Variants in ILDR1 observed in about 807,000 individuals in gnomAD.
ILDR1 encodes the protein immunoglobulin like domain containing receptor 1.
A neutral mutation model predicts 62.4 loss-of-function variants in ILDR1; 56 were observed. The ratio of observed to expected loss-of-function variants is 0.90; its 90% CI spans 0.72 to 1.12. The LOEUF (loss-of-function observed/expected upper bound fraction) is 1.12. ILDR1 is among the 50% of genes most tolerant of loss of function. ILDR1 has a pLI of 0.00. For synonymous variants in ILDR1, 284 were observed against 277.8 expected (o/e 1.02, Z -0.22); for missense variants, 736 against 710.6 (o/e 1.04, Z -0.41).
chr3:122,045,456 C>G, the ILDR1 span, among the ~76,000 whole-genome samples: 1 of 152,244 alleles, frequency 6.6e-6, no homozygotes, highest in African/African-American at 2.4e-5. Context: ...GAGCTGAGTT[C>G]AATTCCTGGG....
chr3:121,988,832 T>G (rs2071294241), intron 7 of ILDR1, among the ~76,000 whole-genome samples: 1 of 152,246 alleles, frequency 6.6e-6, no homozygotes. Flanking sequence ...CCCAGCCCTT[T>G]TCTAAAAAGT....
chr3:122,011,719 G>A (rs556793290), intron 1 of ILDR1, among the ~76,000 whole-genome samples: 33 of 103,032 alleles, frequency 3.2e-4, no homozygotes, highest in African/African-American at 1.3e-3. Context: ...AGGAGAAGAG[G>A]TACTGAACAA....
the ILDR1 span, among the ~76,000 whole-genome samples, chr3:122,038,409 G>C: frequency 6.6e-6 from 1 of 152,182 alleles, no homozygotes; most frequent in Non-Finnish European, 1.5e-5. Flanking sequence ...GAAGCCTATA[G>C]TGCACTGAGG....
intron 5 of ILDR1, among the ~76,000 whole-genome samples, chr3:121,999,219 A>G (rs1420014936): frequency 6.6e-6 from 1 of 152,194 alleles, no homozygotes; most frequent in Non-Finnish European, 1.5e-5. Flanking sequence ...TTTCCTTTCA[A>G]ATGGATCAAA....
At chr3:122,000,715 C>G (rs993640645) in intron 5 of ILDR1, among the ~76,000 whole-genome samples, 43 of 152,192 alleles carry the variant, frequency 2.8e-4, no homozygotes, top group African/African-American at 1.0e-3. Flanking sequence ...CAATTAGCAT[C>G]TGAAGTAGGG....
chr3:122,053,264 G>A, the ILDR1 span, among the ~76,000 whole-genome samples: 1 of 152,150 alleles, frequency 6.6e-6, no homozygotes, highest in Non-Finnish European at 1.5e-5. Flanking sequence ...CTTCCTTGAA[G>A]AAATGTCTGT....
intron 1 of ILDR1, among the ~76,000 whole-genome samples, chr3:122,011,050 G>A (rs2071695473): frequency 6.6e-6 from 1 of 152,064 alleles, no homozygotes; most frequent in Non-Finnish European, 1.5e-5. Flanking sequence ...AAGATAATTG[G>A]TATTCACAAG....
At chr3:122,028,798 A>G in the ILDR1 span, among the ~76,000 whole-genome samples, 26,854 of 152,192 alleles carry the variant, frequency 0.18, 2,526 homozygotes, top group South Asian at 0.26. Context: ...AACATGTGAG[A>G]AGTGTAAATT....
At chr3:122,001,893 G>A in intron 3 of ILDR1, 29 bp from the exon 4 acceptor site, 1 of 1,612,158 alleles carries the variant, frequency 6.2e-7, no homozygotes, top group South Asian at 1.1e-5. Context: ...GAAAGTGCCA[G>A]TGTCAGAGGA....
chr3:122,040,093 T>C, the ILDR1 span, among the ~76,000 whole-genome samples: 5 of 152,040 alleles, frequency 3.3e-5, no homozygotes, highest in African/African-American at 4.8e-5. Context: ...CCAAGCTGTA[T>C]ATTATTTCAC....
intron 3 of ILDR1, among the ~76,000 whole-genome samples, chr3:122,004,502 C>T (rs189255686): frequency 2.0e-5 from 3 of 152,174 alleles, no homozygotes; most frequent in Non-Finnish European, 4.4e-5. Flanking sequence ...GGTTCATATA[C>T]CCTGTAAATG....
At chr3:122,041,641 C>T in the ILDR1 span, among the ~76,000 whole-genome samples, 1 of 151,934 alleles carries the variant, frequency 6.6e-6, no homozygotes, top group Admixed American at 6.6e-5. Context: ...TAAGTTTATT[C>T]CTAAGTTTTT....
the ILDR1 span, among the ~76,000 whole-genome samples, chr3:122,030,710 T>A: frequency 6.6e-6 from 1 of 151,938 alleles, no homozygotes; most frequent in East Asian, 1.9e-4. Flanking sequence ...AGAACTACTC[T>A]GAAATTATGA....
chr3:122,040,936 G>C, the ILDR1 span, among the ~76,000 whole-genome samples: 2 of 152,204 alleles, frequency 1.3e-5, no homozygotes, highest in South Asian at 4.1e-4. Flanking sequence ...AAAAATCTCT[G>C]CTTTGTGAAA....
At chr3:121,997,875 T>G (rs1337049847) in intron 5 of ILDR1, among the ~76,000 whole-genome samples, 2 of 152,248 alleles carry the variant, frequency 1.3e-5, no homozygotes, top group African/African-American at 4.8e-5. Flanking sequence ...CACTATTAGG[T>G]GAACTATCAA....
At chr3:122,030,623 TTCTC>T in the ILDR1 span, among the ~76,000 whole-genome samples, 109 of 147,618 alleles carry the variant, frequency 7.4e-4, no homozygotes, top group African/African-American at 1.3e-3. Flanking sequence ...GCAAGGGTTT[TTCTC>T]TCTCTCTCTC....
the ILDR1 span, among the ~76,000 whole-genome samples, chr3:122,043,387 T>A: frequency 7.2e-6 from 1 of 139,526 alleles, no homozygotes; most frequent in African/African-American, 2.7e-5. Context: ...TAGGATTGAC[T>A]TGGCGATGTG....
At chr3:121,988,532 T>G in intron 7 of ILDR1, 124 bp from the exon 8 acceptor site, 1 of 760,134 alleles carries the variant, frequency 1.3e-6, no homozygotes, top group Non-Finnish European at 2.3e-6. Context: ...GGACAGCAGA[T>G]CTGAACCTAA....
chr3:122,011,936 C>T (rs1487286199), intron 1 of ILDR1, among the ~76,000 whole-genome samples: 1 of 152,148 alleles, frequency 6.6e-6, no homozygotes, highest in Non-Finnish European at 1.5e-5. Flanking sequence ...AAAGTGTCAG[C>T]ATCAGGATTT....
Sources: allele counts gnomAD v4.1 joint callset (sites outside exome capture counted in the v4.1 genomes callset), GRCh38; gene constraint gnomAD v4.1.1; transcripts MANE v1.5; gene names NCBI Gene and HGNC (gene_info 2026-07-23, HGNC 2026-07-21).